GKAP1: variants seen among roughly 807,000 people sequenced by gnomAD.
The protein encoded by GKAP1 is G kinase-anchoring protein 1.
GKAP1 carries 31 observed loss-of-function variants against 56.7 expected under a neutral mutation model. The observed-to-expected ratio is 0.55, with a 90% CI of 0.41 to 0.74. The LOEUF is 0.74. GKAP1 is among the 30% of genes least tolerant of loss of function. The pLI is 0.00. For synonymous variants in GKAP1, 151 were observed against 138.6 expected (o/e 1.09, Z -0.63); for missense variants, 364 against 402.3 (o/e 0.90, Z 0.82).
intron 3 of GKAP1, 50 bp downstream of exon 3, chr9:83,806,252 G>C (rs1473334405): frequency 1.6e-6 from 2 of 1,215,020 alleles, no homozygotes; most frequent in Admixed American, 4.0e-5. Flanking sequence ...TCTGTTCTCA[G>C]GATGATTACC....
At chr9:83,806,150 AAT>A in intron 3 of GKAP1, 150 bp downstream of exon 3, 1 of 617,662 alleles carries the variant, frequency 1.6e-6, no homozygotes, top group African/African-American at 1.8e-5. Flanking sequence ...TTTGATTTTA[AAT>A]ATACACAAAT....
chr9:83,786,220 T>G (rs1364534067), intron 5 of GKAP1, among the ~76,000 whole-genome samples: 1 of 152,192 alleles, frequency 6.6e-6, no homozygotes, highest in East Asian at 1.9e-4. Context: ...CAATAATTAT[T>G]TGGTGAATAA....
At chr9:83,803,360 C>G (rs2131317475) in intron 3 of GKAP1, among the ~76,000 whole-genome samples, 1 of 152,194 alleles carries the variant, frequency 6.6e-6, no homozygotes, top group South Asian at 2.1e-4. Context: ...CTGCCTGATT[C>G]TCCTGCCTCA....
intron 2 of GKAP1, among the ~76,000 whole-genome samples, chr9:83,813,816 C>G (rs182793258): frequency 4.1e-4 from 63 of 152,302 alleles, no homozygotes; most frequent in Non-Finnish European, 8.2e-4. Flanking sequence ...AAGATGGCAG[C>G]AGGCCACACA....
At chr9:83,764,764 T>C (rs1416546040) in intron 8 of GKAP1, among the ~76,000 whole-genome samples, 2 of 152,170 alleles carry the variant, frequency 1.3e-5, no homozygotes, top group Admixed American at 1.3e-4. Flanking sequence ...AAGAAACTGG[T>C]AGCTTTTTGC....
intron 10 of GKAP1, among the ~76,000 whole-genome samples, chr9:83,746,474 G>A (rs62561875): frequency 0.15 from 22,572 of 152,052 alleles, 2,069 homozygotes; most frequent in Middle Eastern, 0.21. Flanking sequence ...AGGCCGAGGC[G>A]GGTGGATCAC....
chr9:83,795,088 G>A (rs1473170449), intron 4 of GKAP1, among the ~76,000 whole-genome samples: 5 of 150,764 alleles, frequency 3.3e-5, no homozygotes, highest in Non-Finnish European at 7.4e-5. Context: ...TCCGGGAGGC[G>A]GAGGTCACAG....
In GKAP1 at chr9:83,769,977, T is replaced by C. The variant is rs566130293; in HGVS notation, c.586-1007A>G. ...AGCGAATGGTGCTGAACATCCCTTT[T>C]GTGTGCTTATTGAAGATTTGTATAT... is the stretch of plus-strand genomic sequence containing the variant. On this transcript the variant is annotated intron_variant, in intron 7 of 12. Transcript: ENST00000376371. Among the ~76,000 whole-genome samples the C allele has an allele frequency of 2.0e-5, 3 of 152,326 alleles. No individual in the cohort carries two copies. In the South Asian group the frequency reaches 6.2e-4, roughly 32 times the overall value.
chr9:83,751,279 TTCTC>T lies in GKAP1; in HGVS notation c.840+1975_840+1978del, dbSNP rs1393816693. 1.1e-4 allele frequency among the ~76,000 whole-genome samples: 16 copies of T among 152,332 alleles called. No homozygotes were observed. The East Asian group carries it at 2.7e-3, about 26-fold the overall frequency. On this transcript the variant is annotated intron_variant, in intron 9 of 12. Coordinates refer to ENST00000376371, the MANE Select transcript of GKAP1 (RefSeq NM_025211.4). ...TATTCCCATGCCTTTGTACATACAA[TTCTC>T]TCTACCTGGAAAAATCATCTTTTCT...
chr9:83,805,014 T>C (rs1427090600), intron 3 of GKAP1, among the ~76,000 whole-genome samples: 2 of 152,186 alleles, frequency 1.3e-5, no homozygotes, highest in Non-Finnish European at 2.9e-5. Flanking sequence ...ATGGCAGTTT[T>C]GTGGAATAGA....
At position 83,785,369 on chromosome 9, in the gene GKAP1, C is replaced by T. The variant is rs148908558; in HGVS notation, c.439-531G>A. Among the ~76,000 whole-genome samples the T allele has an allele frequency of 1.7e-3, 260 of 152,236 alleles. 1 individual carries two copies. Among genetic ancestry groups the T allele is most frequent in the African/African-American group, 5.8e-3 (242 of 41,544 alleles). On this transcript the variant is annotated intron_variant, in intron 5 of 12. Coordinates refer to ENST00000376371, the MANE Select transcript of GKAP1 (RefSeq NM_025211.4). ...ACCTATTTTTTTAATGCTTTATACC[C>T]ACTGCTCTTCAATCTCAAAGTTTAA...
chr9:83,809,828 G>A (rs1159233185), intron 2 of GKAP1, among the ~76,000 whole-genome samples: 3 of 152,158 alleles, frequency 2.0e-5, no homozygotes, highest in Non-Finnish European at 2.9e-5. Context: ...TTATTTTTGA[G>A]ACAGGGTCTC....
chr9:83,742,068 GT>G, intron 11 of GKAP1, 39 bp from the exon 12 acceptor site: 6 of 1,354,044 alleles, frequency 4.4e-6, no homozygotes, highest in Admixed American at 2.0e-5. Context: ...AATTTTTGGG[GT>G]TTTTGGCAAA....
At position 83,742,265 on chromosome 9, in the gene GKAP1, G is replaced by C. The variant is rs1281487449; in HGVS notation, c.976-236C>G. 5.9e-5 allele frequency among the ~76,000 whole-genome samples: 6 copies of C among 102,380 alleles called. No homozygotes were observed. The Admixed American group carries it at 6.6e-4, about 11-fold the overall frequency. The allele number at this position is 102,380 out of a possible 152,430, so 67.2% of individuals were successfully genotyped here. On this transcript the variant is annotated intron_variant, in intron 11 of 12. Coordinates refer to ENST00000376371, the MANE Select transcript of GKAP1 (RefSeq NM_025211.4). ...GGAGAAAAATCAAGCCCAGATACAG[G>C]GTTAAGTTCTATTGGCCCTTTCTGT... is the stretch of plus-strand genomic sequence containing the variant.
At chr9:83,775,003 G>A (rs953150994) in intron 7 of GKAP1, among the ~76,000 whole-genome samples, 3 of 123,014 alleles carry the variant, frequency 2.4e-5, no homozygotes, top group Non-Finnish European at 3.5e-5. Flanking sequence ...CACCGCGCCC[G>A]GCCCCTTCTT....
chr9:83,779,320 A>C (rs1037559012), intron 7 of GKAP1, among the ~76,000 whole-genome samples: 22 of 151,456 alleles, frequency 1.5e-4, no homozygotes, highest in Non-Finnish European at 2.5e-4. Context: ...CTAAATTATT[A>C]ATACAATCAC....
rs1484826118 is a variant in GKAP1 at position 83,817,561 on chromosome 9, C to CCCG, written c.-223_-221dup. 3.3e-5 allele frequency: 5 copies of CCCG among 152,008 alleles called. No homozygotes were observed. In the East Asian group the frequency reaches 9.7e-4, roughly 30 times the overall value. 9.4% of individuals were successfully genotyped at this position (152,008 alleles called of 1,614,324 possible). On this transcript the variant is annotated 5_prime_UTR_variant, in exon 1 of 13. Coordinates refer to ENST00000376371, the MANE Select transcript of GKAP1 (RefSeq NM_025211.4). ...GCTCGGCCCTCCTCTCCCTCCTCCC[C>CCCG]CCGCCGCCGCCTCTCCCGCGGCTCC...
chr9:83,775,118 C>T (rs1418499963), intron 7 of GKAP1, among the ~76,000 whole-genome samples: 1 of 151,988 alleles, frequency 6.6e-6, no homozygotes, highest in Non-Finnish European at 1.5e-5. Flanking sequence ...ATCTTCCTGC[C>T]TCAGCATCCA....
intron 7 of GKAP1, among the ~76,000 whole-genome samples, chr9:83,779,566 T>C (rs928205187): frequency 1.8e-5 from 2 of 108,796 alleles, no homozygotes; most frequent in African/African-American, 4.9e-5. Context: ...TGTGTATATA[T>C]ATACACACAT....
Sources: allele counts gnomAD v4.1 joint callset (sites outside exome capture counted in the v4.1 genomes callset), GRCh38; gene constraint gnomAD v4.1.1; transcripts MANE v1.5; gene names NCBI Gene and HGNC (gene_info 2026-07-23, HGNC 2026-07-21).